Variants in FAM171A1 observed in about 807,000 individuals in gnomAD.
FAM171A1 encodes protein FAM171A1.
FAM171A1 carries 23 observed loss-of-function variants against 74.9 expected under a neutral mutation model. The ratio of observed to expected loss-of-function variants is 0.31; its 90% CI spans 0.22 to 0.44. The LOEUF is 0.44. Ranked by LOEUF, FAM171A1 falls within the 20% of genes least tolerant of loss-of-function variation. FAM171A1 has a pLI of 1.00. For missense variants in FAM171A1, 1,162 were observed against 1,159.2 expected, an observed-to-expected ratio of 1.00 and a Z score of -0.03; for synonymous variants, 527 against 505.7, an observed-to-expected ratio of 1.04 and a Z score of -0.57.
At chr10:15,240,876 CAA>C in intron 5 of FAM171A1, 1 of 248,112 alleles carries the variant, frequency 4.0e-6, no homozygotes, top group Non-Finnish European at 6.3e-6. Context: ...CCTATCTCTA[CAA>C]AAAAAAAATT....
chr10:15,224,197 G>A (rs1008991824), intron 5 of FAM171A1, among the ~76,000 whole-genome samples: 2 of 152,100 alleles, frequency 1.3e-5, no homozygotes, highest in East Asian at 3.9e-4. Context: ...AGATGGGGCA[G>A]GGCGGGAGCC....
At chr10:15,274,836 A>C (rs1205896669) in intron 3 of FAM171A1, among the ~76,000 whole-genome samples, 1 of 152,160 alleles carries the variant, frequency 6.6e-6, no homozygotes, top group Non-Finnish European at 1.5e-5. Context: ...ACAATAGCAA[A>C]GACTTGGAAC....
chr10:15,254,734 G>A lies in FAM171A1; in HGVS notation c.564C>T (p.Asp188=), dbSNP rs369274513. Residue 188 remains aspartate (D), a synonymous_variant, in exon 4 of 8, where the codon GAC becomes GAT. Coordinates refer to ENST00000378116, the MANE Select transcript of FAM171A1 (RefSeq NM_001010924.2). The part of the protein sequence containing the change: ...VDSFPYLRGL[D]GNGTGNSTRH... ...GACTCCAATTACCTGTTCCATTTCCGTCTAATCCTCGCAAATAAGGAAAAC... is the reference window on the plus strand; with the variant it reads ...GACTCCAATTACCTGTTCCATTTCCATCTAATCCTCGCAAATAAGGAAAAC... 1.5e-5 allele frequency: 24 copies of A among 1,614,048 alleles called. No individual in the cohort carries two copies. Among genetic ancestry groups the A allele is most frequent in the East Asian group, 4.5e-5 (2 of 44,870 alleles).
intron 5 of FAM171A1, among the ~76,000 whole-genome samples, chr10:15,246,361 C>A (rs1201283452): frequency 1.3e-5 from 2 of 152,178 alleles, no homozygotes; most frequent in African/African-American, 4.8e-5. Context: ...AAATCCCCTC[C>A]AAAAGCCCAA....
intron 3 of FAM171A1, among the ~76,000 whole-genome samples, chr10:15,263,405 A>T (rs1266742243): frequency 1.3e-5 from 2 of 152,222 alleles, no homozygotes; most frequent in East Asian, 3.8e-4. Context: ...TCTTCAGCAA[A>T]GGACAAAACA....
intron 1 of FAM171A1, among the ~76,000 whole-genome samples, chr10:15,290,553 G>C (rs559768524): frequency 6.6e-6 from 1 of 152,118 alleles, no homozygotes; most frequent in Non-Finnish European, 1.5e-5. Flanking sequence ...AACTGTGGGG[G>C]TGTACAACAG....
At chr10:15,241,887 TCCC>T (rs1345670293) in intron 5 of FAM171A1, 1 of 151,888 alleles carries the variant, frequency 6.6e-6, no homozygotes, top group Non-Finnish European at 1.5e-5. Flanking sequence ...TGATCAACAT[TCCC>T]CCATTTGATT....
At chr10:15,264,472 A>G (rs1461040395) in intron 3 of FAM171A1, among the ~76,000 whole-genome samples, 1 of 152,202 alleles carries the variant, frequency 6.6e-6, no homozygotes, top group East Asian at 1.9e-4. Context: ...TAATTTTAAT[A>G]TGTCATTTAT....
intron 7 of FAM171A1, among the ~76,000 whole-genome samples, 187 bp from the exon 8 acceptor site, chr10:15,214,788 G>A (rs1469018617): frequency 7.2e-6 from 1 of 139,340 alleles, no homozygotes; most frequent in Non-Finnish European, 1.5e-5. Flanking sequence ...ACAGCATCTT[G>A]CTTGCTCTGT....
chr10:15,261,023 G>A (rs921556873), intron 3 of FAM171A1, among the ~76,000 whole-genome samples: 1 of 152,208 alleles, frequency 6.6e-6, no homozygotes, highest in Non-Finnish European at 1.5e-5. Flanking sequence ...TTGTATTCAC[G>A]GAACTCAAGA....
intron 5 of FAM171A1, among the ~76,000 whole-genome samples, chr10:15,245,689 C>A (rs1356473038): frequency 6.6e-6 from 1 of 152,234 alleles, no homozygotes; most frequent in Non-Finnish European, 1.5e-5. Flanking sequence ...CTGTGCCCCC[C>A]AGACTCCCTG....
intron 5 of FAM171A1, among the ~76,000 whole-genome samples, chr10:15,246,201 G>A (rs560741054): frequency 5.3e-5 from 8 of 152,208 alleles, no homozygotes; most frequent in South Asian, 4.2e-4. Context: ...TGAAGTGCCC[G>A]TCTTGCTTAC....
upstream of FAM171A1, among the ~76,000 whole-genome samples, chr10:15,374,416 C>T (rs912866801): frequency 1.3e-5 from 2 of 152,192 alleles, no homozygotes; most frequent in African/African-American, 2.4e-5. Flanking sequence ...CTACATCACT[C>T]AAATTAACAT....
In FAM171A1 at chr10:15,213,098, G is replaced by T; in HGVS notation, c.2490C>A (p.Ser830Arg). Reference sequence around the variant, plus strand: ...TCCGTCTGGTCGTCTCCTCCTGCAGGCTGGGCAGCTGGCCACCACTTCTCC... The same window carrying T: ...TCCGTCTGGTCGTCTCCTCCTGCAGTCTGGGCAGCTGGCCACCACTTCTCC... The part of the protein sequence containing the change: ...SSRRSGGQLP[S>R]LQEETTRRTA... Residue 830 changes from serine to arginine, a missense_variant, in exon 8 of 8, where the codon AGC (serine) becomes AGA (arginine). Physicochemically the swap from Ser to Arg is moderately radical, Grantham distance 110. Transcript: ENST00000378116. This position sits in a 1 kb window ranked among gnomAD's most constrained non-coding sequence, Gnocchi z 6.8. 6.2e-7 allele frequency: 1 copy of T among 1,613,622 alleles called. No homozygotes were observed. The highest frequency in any genetic ancestry group is 1.1e-5 in the South Asian group (1 of 91,028).
At chr10:15,297,597 A>C (rs1395952789) in intron 1 of FAM171A1, among the ~76,000 whole-genome samples, 2 of 152,222 alleles carry the variant, frequency 1.3e-5, no homozygotes, top group Non-Finnish European at 2.9e-5. Flanking sequence ...AGAATGGTGA[A>C]ATATACAATA....
intron 1 of FAM171A1, among the ~76,000 whole-genome samples, chr10:15,367,268 G>A (rs1213935792): frequency 6.6e-6 from 1 of 152,190 alleles, no homozygotes; most frequent in East Asian, 1.9e-4. Flanking sequence ...AAAGCTATTT[G>A]TTTAGAAATG....
At chr10:15,315,271 TG>T (rs1835408567) in intron 1 of FAM171A1, among the ~76,000 whole-genome samples, 1 of 152,184 alleles carries the variant, frequency 6.6e-6, no homozygotes, top group Non-Finnish European at 1.5e-5. Context: ...GTCCTGGCTG[TG>T]ATGGGCGCAA....
chr10:15,242,684 A>AG (rs1834377632), intron 5 of FAM171A1, among the ~76,000 whole-genome samples: 1 of 152,050 alleles, frequency 6.6e-6, no homozygotes, highest in Non-Finnish European at 1.5e-5. Context: ...CCAGCTACTC[A>AG]GGGGGCTGAG....
At chr10:15,280,180 T>C (rs1834949343) in intron 2 of FAM171A1, among the ~76,000 whole-genome samples, 1 of 152,128 alleles carries the variant, frequency 6.6e-6, no homozygotes, top group South Asian at 2.1e-4. Context: ...CAGAATGACA[T>C]GTTGCCCAGG....
Sources: allele counts gnomAD v4.1 joint callset (sites outside exome capture counted in the v4.1 genomes callset), GRCh38; gene constraint gnomAD v4.1.1; non-coding constraint Gnocchi (gnomAD v3.1); transcripts MANE v1.5; gene names NCBI Gene and HGNC (gene_info 2026-07-23, HGNC 2026-07-21).